Variants in GALNTL6 observed in about 807,000 individuals in gnomAD.
The protein encoded by GALNTL6 is polypeptide N-acetylgalactosaminyltransferase like 6, also known as polypeptide N-acetylgalactosaminyltransferase-like 6.
Under a neutral mutation model 73.7 loss-of-function variants are expected in GALNTL6, and 46 were observed. The ratio of observed to expected loss-of-function variants is 0.62; its 90% confidence interval spans 0.49 to 0.80. The LOEUF (loss-of-function observed/expected upper bound fraction) is 0.80, where lower values mean the gene tolerates loss of function less well. Ranked by LOEUF, GALNTL6 falls within the 30% of genes least tolerant of loss-of-function variation. The probability of loss-of-function intolerance (pLI) is 0.00; values close to 1 mark genes in which losing one functional copy is unlikely to be tolerated. For missense variants in GALNTL6, 604 were observed against 755.0 expected, an observed-to-expected ratio of 0.80 and a Z score of 2.34; for synonymous variants, 259 against 263.7, an observed-to-expected ratio of 0.98 and a Z score of 0.17.
chr4:171,915,163 C>T (rs2110969142), intron 2 of GALNTL6, among the ~76,000 whole-genome samples: 1 of 152,208 alleles, frequency 6.6e-6, no homozygotes. Flanking sequence ...TCTTCTTACC[C>T]TTTACTGTAA....
intron 8 of GALNTL6, among the ~76,000 whole-genome samples, chr4:172,927,484 A>G (rs1340332941): frequency 6.6e-6 from 1 of 152,200 alleles, no homozygotes; most frequent in African/African-American, 2.4e-5. Flanking sequence ...GCTTAGCACC[A>G]TAAAGCAACT....
At chr4:172,171,626 C>T (rs532311430) in intron 2 of GALNTL6, among the ~76,000 whole-genome samples, 4 of 148,816 alleles carry the variant, frequency 2.7e-5, no homozygotes, top group East Asian at 2.0e-4. Flanking sequence ...CTCAGGAGTT[C>T]GAGAGCAGCC....
intron 10 of GALNTL6, among the ~76,000 whole-genome samples, chr4:172,961,340 A>G (rs1463452205): frequency 3.9e-5 from 5 of 128,000 alleles, no homozygotes; most frequent in South Asian, 2.7e-4. Context: ...GGGTAGAGAG[A>G]GAGAAGGGGT....
chr4:172,286,185 T>C (rs749677516), intron 3 of GALNTL6, among the ~76,000 whole-genome samples: 1 of 152,196 alleles, frequency 6.6e-6, no homozygotes, highest in Non-Finnish European at 1.5e-5. Flanking sequence ...GTTTGTCTGA[T>C]AAAATATCTG....
chr4:172,796,143 T>C (rs1174365210), intron 5 of GALNTL6, among the ~76,000 whole-genome samples: 1 of 151,858 alleles, frequency 6.6e-6, no homozygotes, highest in Non-Finnish European at 1.5e-5. Flanking sequence ...TCTTCTATAA[T>C]AATTATATAA....
intron 10 of GALNTL6, among the ~76,000 whole-genome samples, chr4:172,986,900 T>A (rs1297893699): frequency 6.6e-6 from 1 of 152,126 alleles, no homozygotes; most frequent in Non-Finnish European, 1.5e-5. Context: ...GTAGTCCAAA[T>A]CCGAAATATG....
chr4:172,892,700 G>A (rs2111217283), intron 8 of GALNTL6, among the ~76,000 whole-genome samples: 1 of 148,686 alleles, frequency 6.7e-6, no homozygotes, highest in African/African-American at 2.5e-5. Flanking sequence ...TTACTCTTAA[G>A]TGGTCTGGAG....
chr4:172,132,692 C>T (rs1390238261), intron 2 of GALNTL6, among the ~76,000 whole-genome samples: 1 of 152,060 alleles, frequency 6.6e-6, no homozygotes, highest in Non-Finnish European at 1.5e-5. Flanking sequence ...AAGCCATATT[C>T]TTTAGATGAA....
intron 2 of GALNTL6, among the ~76,000 whole-genome samples, chr4:172,024,537 GT>G (rs1327978603): frequency 6.6e-6 from 1 of 151,808 alleles, no homozygotes; most frequent in African/African-American, 2.4e-5. Flanking sequence ...AGAGGAATTA[GT>G]TATGTAAACC....
chr4:172,812,535 G>A (rs111383541), intron 6 of GALNTL6, among the ~76,000 whole-genome samples: 31 of 152,018 alleles, frequency 2.0e-4, no homozygotes, highest in African/African-American at 7.5e-4. Context: ...GGATGCAAAT[G>A]CCAGTGCCCT....
At chr4:172,969,886 A>G (rs569431364) in intron 10 of GALNTL6, among the ~76,000 whole-genome samples, 1 of 152,330 alleles carries the variant, frequency 6.6e-6, no homozygotes, top group African/African-American at 2.4e-5. Flanking sequence ...CCAATATTTC[A>G]ATGTAGTTTA....
chr4:172,952,024 TCC>T lies in GALNTL6; in HGVS notation c.1150-12_1150-11del. 6.3e-7 allele frequency: 1 copy of T among 1,579,096 alleles called. No individual in the cohort carries two copies. The highest frequency in any genetic ancestry group is 1.9e-5 in the Admixed American group (1 of 53,782). ...AAACCAATAAATGACATTTTTGTTTTCCTGCTGCACAGAACCTGAAGCGGGTA... is the reference window on the plus strand; with the variant it reads ...AAACCAATAAATGACATTTTTGTTTTTGCTGCACAGAACCTGAAGCGGGTA... On this transcript the variant is annotated splice_polypyrimidine_tract_variant and intron_variant, in intron 9 of 12. Coordinates refer to ENST00000506823, the MANE Select transcript of GALNTL6 (RefSeq NM_001034845.3).
At chr4:172,168,285 T>C (rs1301282154) in intron 2 of GALNTL6, among the ~76,000 whole-genome samples, 3 of 152,162 alleles carry the variant, frequency 2.0e-5, no homozygotes, top group East Asian at 3.9e-4. Flanking sequence ...TTTTGTTTTG[T>C]TTTGTTTTGT....
intron 2 of GALNTL6, among the ~76,000 whole-genome samples, chr4:172,060,816 G>A (rs906042477): frequency 5.9e-5 from 9 of 152,108 alleles, no homozygotes; most frequent in African/African-American, 2.2e-4. Context: ...TGGATGAATG[G>A]CTAATACGTA....
chr4:172,626,781 T>G (rs1739186945), intron 5 of GALNTL6, among the ~76,000 whole-genome samples: 1 of 152,144 alleles, frequency 6.6e-6, no homozygotes, highest in African/African-American at 2.4e-5. Flanking sequence ...CATTCTTGAT[T>G]TGGCCCTCAG....
Position 172,809,503 on chromosome 4 carries a change from C to T in GALNTL6, c.696C>T (p.Asp232=). 2 of 1,613,744 alleles carry T rather than the reference C, an allele frequency of 1.2e-6. No homozygotes were observed. The highest frequency in any genetic ancestry group is 1.7e-6 in the Non-Finnish European group (2 of 1,179,800). The change falls in exon 6 of 13, where the codon GAC becomes GAT. Residue 232 remains aspartate (D), a synonymous_variant. Coordinates refer to ENST00000506823, the MANE Select transcript of GALNTL6 (RefSeq NM_001034845.3). This position sits in a 1 kb window ranked among gnomAD's most constrained non-coding sequence, Gnocchi z 4.4. ...GAGGAGAAGTCCTGACATTCCTGGA[C>T]TCCCACTGCGAGGTCAATGTGAACT... ...MARGEVLTFL[D]SHCEVNVNWL... is the part of the protein sequence containing the mutation.
At chr4:172,375,321 C>T (rs1021457631) in intron 5 of GALNTL6, among the ~76,000 whole-genome samples, 2 of 152,068 alleles carry the variant, frequency 1.3e-5, no homozygotes, top group Admixed American at 6.5e-5. Flanking sequence ...GCCATTTTTC[C>T]CCATCAGAGA....
At chr4:172,469,743 G>T (rs73869528) in intron 5 of GALNTL6, among the ~76,000 whole-genome samples, 1 of 152,158 alleles carries the variant, frequency 6.6e-6, no homozygotes, top group Non-Finnish European at 1.5e-5. Context: ...AATATTATTG[G>T]TGGATCTATA....
chr4:171,970,012 C>G (rs1431740291), intron 2 of GALNTL6, among the ~76,000 whole-genome samples: 4 of 152,138 alleles, frequency 2.6e-5, no homozygotes, highest in Admixed American at 2.6e-4. Context: ...CTCAGGTGAT[C>G]CACCCTCCTT....
Sources: gnomAD v4.1 joint callset for allele counts (sites outside exome capture counted in the v4.1 genomes callset) on GRCh38, gnomAD v4.1.1 for gene constraint, Gnocchi (gnomAD v3.1) non-coding constraint, MANE v1.5 for transcripts, NCBI Gene and HGNC (gene_info 2026-07-23, HGNC 2026-07-21) for gene names.